GOLGA3: variants seen among roughly 807,000 people sequenced by gnomAD.
GOLGA3 encodes golgin A3.
In GOLGA3, 75 loss-of-function variants were observed where a neutral mutation model predicts 169.4. The observed-to-expected ratio is 0.44, with a 90% CI of 0.37 to 0.54. The LOEUF (loss-of-function observed/expected upper bound fraction) is 0.54. Among genes scored for constraint, GOLGA3 ranks in the 20% least tolerant of loss-of-function variants. The probability of loss-of-function intolerance (pLI) is 0.00; values close to 1 mark genes in which losing one functional copy is unlikely to be tolerated. For synonymous variants in GOLGA3, 824 were observed against 822.4 expected, an observed-to-expected ratio of 1.00 and a Z score of -0.03; for missense variants, 1,899 against 1,930.0, an observed-to-expected ratio of 0.98 and a Z score of 0.30.
chr12:132,798,508 T>C (rs769736231), intron 8 of GOLGA3, 31 bp from the exon 9 acceptor site: 42 of 1,579,102 alleles, frequency 2.7e-5, no homozygotes, highest in Non-Finnish European at 3.3e-5. Context: ...AGTAAAAAGT[T>C]GCTCAATTTC....
chr12:132,821,562 T>C (rs181473198), intron 2 of GOLGA3, among the ~76,000 whole-genome samples: 17 of 151,102 alleles, frequency 1.1e-4, no homozygotes, highest in Admixed American at 2.6e-4. Context: ...TACTAAAACA[T>C]ACTTTGGGCC....
chr12:132,823,200 C>T (rs1306098257), intron 1 of GOLGA3, among the ~76,000 whole-genome samples: 1 of 152,244 alleles, frequency 6.6e-6, no homozygotes, highest in Non-Finnish European at 1.5e-5. Context: ...GCTGGGTTAG[C>T]TCTCTCAGCC....
rs1949152132 is a variant in GOLGA3 at position 132,802,027 on chromosome 12, G to A, written c.1598-58C>T. On this transcript the variant is annotated intron_variant, in intron 7 of 23. Coordinates refer to ENST00000450791, the MANE Select transcript of GOLGA3 (RefSeq NM_001389683.1). ...GCGACGGCCAACGGGGGAGTCCGCA[G>A]CTCCGCGCGTGCGGGACACAAGGCG... 2.2e-6 allele frequency: 3 copies of A among 1,352,754 alleles called. No homozygotes were observed. The African/African-American group carries it at 4.3e-5, about 19-fold the overall frequency. The allele number at this position is 1,352,754 out of a possible 1,614,324, so 83.8% of individuals were successfully genotyped here.
At position 132,772,543 on chromosome 12, in the gene GOLGA3, C is replaced by CCAAAAAAAA. The variant is rs776077686; in HGVS notation, c.*561_*562insTTTTTTTTG. The CCAAAAAAAA allele has an allele frequency of 1.2e-5, 1 of 86,162 alleles. No individual in the cohort carries two copies. 5.3% of individuals were successfully genotyped at this position (86,162 alleles called of 1,614,324 possible). A position where few individuals can be genotyped will look rare whatever the true frequency, so the allele number is the denominator to read the frequency against. On this transcript the variant is annotated 3_prime_UTR_variant, in exon 24 of 24. Coordinates refer to ENST00000450791, the MANE Select transcript of GOLGA3 (RefSeq NM_001389683.1). ...TGGGCAACAAAGCGAGACTCTGTCTCAAAAAAAAAAAAAAAAAAAAAACAA... is the reference window on the plus strand; with the variant it reads ...TGGGCAACAAAGCGAGACTCTGTCTCCAAAAAAAAAAAAAAAAAAAAAAAAAAAAAACAA...
intron 23 of GOLGA3, among the ~76,000 whole-genome samples, chr12:132,773,778 C>T (rs995341956): frequency 8.0e-5 from 12 of 150,342 alleles, no homozygotes; most frequent in South Asian, 2.1e-4. Context: ...TTATATAAAC[C>T]GCAGAGGCTG....
chr12:132,799,110 C>T (rs961381138), intron 8 of GOLGA3, among the ~76,000 whole-genome samples: 6 of 152,212 alleles, frequency 3.9e-5, no homozygotes, highest in African/African-American at 1.4e-4. Flanking sequence ...CTCCATGCTG[C>T]TTCCTGGAGT....
intron 8 of GOLGA3, among the ~76,000 whole-genome samples, chr12:132,799,028 G>A (rs1235884049): frequency 1.3e-5 from 2 of 152,220 alleles, no homozygotes; most frequent in African/African-American, 4.8e-5. Context: ...GTCAGCCAAG[G>A]GAAGTAGCAC....
intron 4 of GOLGA3, among the ~76,000 whole-genome samples, chr12:132,810,722 C>G (rs372409087): frequency 6.6e-6 from 1 of 152,068 alleles, no homozygotes; most frequent in Non-Finnish European, 1.5e-5. Flanking sequence ...CATGGTCTAG[C>G]GGTAGCATCA....
At chr12:132,825,717 C>G in intron 1 of GOLGA3, 1 of 1,504,318 alleles carries the variant, frequency 6.6e-7, no homozygotes, top group Non-Finnish European at 9.2e-7. Flanking sequence ...GACATTCAGA[C>G]TGAGCGTGCC....
chr12:132,803,272 T>A (rs1220119273), intron 7 of GOLGA3, among the ~76,000 whole-genome samples: 2 of 152,200 alleles, frequency 1.3e-5, no homozygotes, highest in African/African-American at 4.8e-5. Flanking sequence ...ACTCTGCTGC[T>A]CCACACGTGT....
rs781194402 is a variant in GOLGA3 at position 132,789,238 on chromosome 12, C to T, written c.2600G>A (p.Ser867Asn). 5 of 1,608,288 alleles carry T rather than the reference C, an allele frequency of 3.1e-6. No homozygotes were observed. Among genetic ancestry groups the T allele is most frequent in the African/African-American group, 2.7e-5 (2 of 74,926 alleles). ...CCTCTTCCTGGTGGCTTTCAGCTCA[C>T]TGATGAGCTGGTCTTTGGAGGTGGC... The part of the protein sequence containing the change: ...RDATSKDQLI[S>N]ELKATRKRLD... The change falls in exon 13 of 24, where the codon AGT (serine) becomes AAT (asparagine). Residue 867 changes from serine to asparagine, a missense_variant. By Grantham distance (46) the Ser-to-Asn change is conservative. Transcript: ENST00000450791.
At chr12:132,826,662 C>T (rs138794490) in intron 1 of GOLGA3, among the ~76,000 whole-genome samples, 217 of 152,204 alleles carry the variant, frequency 1.4e-3, no homozygotes, top group Middle Eastern at 6.8e-3. Flanking sequence ...CTCCTGAAGC[C>T]GGACCAGAGA....
intron 17 of GOLGA3, 100 bp from the exon 18 acceptor site, chr12:132,781,014 C>T: frequency 1.2e-6 from 1 of 832,398 alleles, no homozygotes; most frequent in Non-Finnish European, 2.0e-6. Context: ...ATCACAGGCA[C>T]ACGCCAGGGA....
rs182772861 is a variant in GOLGA3 at position 132,794,536 on chromosome 12, T to C, written c.2469+1316A>G. Among the ~76,000 whole-genome samples, 15 of 152,266 alleles carry C rather than the reference T, an allele frequency of 9.9e-5. No individual in the cohort carries two copies. The East Asian group carries it at 2.1e-3, about 22-fold the overall frequency. ...CTGCTACCACCACCTTCATCTGCCCTGGGGAAAACAGCCCAACCCAGAGGT... is the reference window on the plus strand; with the variant it reads ...CTGCTACCACCACCTTCATCTGCCCCGGGGAAAACAGCCCAACCCAGAGGT... On this transcript the variant is annotated intron_variant, in intron 11 of 23. Coordinates refer to ENST00000450791, the MANE Select transcript of GOLGA3 (RefSeq NM_001389683.1).
At chr12:132,801,653 T>TA in intron 8 of GOLGA3, 114 bp downstream of exon 8, 5 of 1,030,862 alleles carry the variant, frequency 4.9e-6, no homozygotes, top group South Asian at 1.4e-5. Context: ...GACAGCAGGT[T>TA]AAAAACAAAA....
chr12:132,783,518 C>T (rs1003240892), intron 16 of GOLGA3, among the ~76,000 whole-genome samples: 40 of 151,138 alleles, frequency 2.6e-4, no homozygotes, highest in Non-Finnish European at 5.3e-4. Flanking sequence ...TGGGGGGCGC[C>T]GGGACACTGA....
chr12:132,813,856 C>G (rs1949831424), intron 3 of GOLGA3, among the ~76,000 whole-genome samples: 1 of 150,854 alleles, frequency 6.6e-6, no homozygotes, highest in Non-Finnish European at 1.5e-5. Context: ...TCCCAAGTAG[C>G]TGGGAATACA....
rs552042765 is a variant in GOLGA3, at chr12:132,777,585, C to T, written c.3722+81G>A. 28 of 1,491,252 alleles carry T rather than the reference C, an allele frequency of 1.9e-5. No individual in the cohort carries two copies. The highest frequency in any genetic ancestry group is 9.7e-5 in the African/African-American group (7 of 72,158). 92.4% of individuals were successfully genotyped at this position (1,491,252 alleles called of 1,614,324 possible). On this transcript the variant is annotated intron_variant, in intron 19 of 23. Coordinates refer to ENST00000450791, the MANE Select transcript of GOLGA3 (RefSeq NM_001389683.1). This position sits in a 1 kb window ranked among gnomAD's most constrained non-coding sequence, Gnocchi z 4.7. The stretch of plus-strand genomic sequence containing the variant: ...CAATTTGCAAAATATAGATGACCCT[C>T]GCTGTGCTGAAGGTGTGAATTAGAC...
At chr12:132,781,634 CA>C (rs2045612685) in intron 17 of GOLGA3, among the ~76,000 whole-genome samples, 1 of 151,900 alleles carries the variant, frequency 6.6e-6, no homozygotes, top group South Asian at 2.1e-4. Context: ...CAGCCGGGTA[CA>C]AAAAGAACAG....
Sources: gnomAD v4.1 joint callset for allele counts (sites outside exome capture counted in the v4.1 genomes callset) on GRCh38, gnomAD v4.1.1 for gene constraint, Gnocchi (gnomAD v3.1) non-coding constraint, MANE v1.5 for transcripts, NCBI Gene and HGNC (gene_info 2026-07-23, HGNC 2026-07-21) for gene names.